The following PARP15 variants were observed in gnomAD, a reference collection of about 807,000 sequenced individuals.
The protein encoded by PARP15 is protein mono-ADP-ribosyltransferase PARP15.
A neutral mutation model predicts 62.1 loss-of-function variants in PARP15; 50 were observed. The observed-to-expected ratio is 0.81, with a 90% CI of 0.64 to 1.02. The LOEUF (loss-of-function observed/expected upper bound fraction) is 1.02, where lower values mean the gene tolerates loss of function less well. Among genes scored for constraint, PARP15 ranks in the 50% least tolerant of loss-of-function variants. PARP15 has a pLI of 0.00. For missense variants in PARP15, 820 were observed against 826.5 expected (o/e 0.99, Z 0.10); for synonymous variants, 309 against 293.1 (o/e 1.05, Z -0.55).
At chr3:122,630,709 CA>C (rs1425214900) in intron 9 of PARP15, among the ~76,000 whole-genome samples, 2 of 151,962 alleles carry the variant, frequency 1.3e-5, no homozygotes, top group Non-Finnish European at 1.5e-5. Flanking sequence ...TAATAATATA[CA>C]AATACCTCTG....
At chr3:122,615,356 C>T (rs1032941164) in intron 4 of PARP15, 4 of 1,293,288 alleles carry the variant, frequency 3.1e-6, no homozygotes, top group Non-Finnish European at 4.0e-6. Flanking sequence ...CAGAATGTAC[C>T]TAACAGCCAA....
chr3:122,588,611 T>C (rs1004888054), intron 1 of PARP15, among the ~76,000 whole-genome samples: 3 of 152,082 alleles, frequency 2.0e-5, no homozygotes, highest in African/African-American at 4.8e-5. Flanking sequence ...TGAACCATGA[T>C]TGCGCCACTG....
At chr3:122,615,650 T>C in intron 4 of PARP15, 129 bp from the exon 5 acceptor site, 1 of 1,552,576 alleles carries the variant, frequency 6.4e-7, no homozygotes, top group Non-Finnish European at 8.7e-7. Context: ...AAGAAGTCTC[T>C]GAGGGAAGAG....
chr3:122,636,155 A>G lies in PARP15; in HGVS notation c.*55A>G. 6.6e-7 allele frequency: 1 copy of G among 1,519,430 alleles called. No individual in the cohort carries two copies. The highest frequency in any genetic ancestry group is 9.0e-7 in the Non-Finnish European group (1 of 1,115,084). 94.1% of individuals were successfully genotyped at this position (1,519,430 alleles called of 1,614,324 possible). A position where few individuals can be genotyped will look rare whatever the true frequency, so the allele number is the denominator to read the frequency against. ...AAGTCATCTGTAAGAACAACATGCA[A>G]TCTTTGTCTTTGCTTCTGGCCTGTG... On this transcript the variant is annotated 3_prime_UTR_variant, in exon 12 of 12. Coordinates refer to ENST00000464300, the MANE Select transcript of PARP15 (RefSeq NM_001113523.3).
chr3:122,609,045 C>T (rs1000028196), intron 2 of PARP15, among the ~76,000 whole-genome samples: 3 of 152,136 alleles, frequency 2.0e-5, no homozygotes, highest in South Asian at 4.1e-4. Context: ...TAAACCACTA[C>T]ACCCAGCCTA....
At chr3:122,592,618 T>TAAA (rs59791124) in intron 1 of PARP15, among the ~76,000 whole-genome samples, 4 of 146,906 alleles carry the variant, frequency 2.7e-5, no homozygotes, top group African/African-American at 1.0e-4. Context: ...AAATTAAAAT[T>TAAA]AAAAAAAAAA....
At chr3:122,623,305 GA>G (rs551976996) in intron 8 of PARP15, among the ~76,000 whole-genome samples, 268 of 152,324 alleles carry the variant, frequency 1.8e-3, no homozygotes, top group Middle Eastern at 6.8e-3. Flanking sequence ...TGGGCAAACA[GA>G]GTGGAGTAAG....
intron 1 of PARP15, among the ~76,000 whole-genome samples, chr3:122,587,964 A>C (rs1933577934): frequency 6.6e-6 from 1 of 152,136 alleles, no homozygotes; most frequent in South Asian, 2.1e-4. Flanking sequence ...TTTTAAAAAA[A>C]TTGTTGACTT....
intron 8 of PARP15, among the ~76,000 whole-genome samples, chr3:122,621,919 C>A (rs911697577): frequency 2.0e-5 from 3 of 152,196 alleles, no homozygotes; most frequent in African/African-American, 7.2e-5. Context: ...CCACTTCAGC[C>A]TCCCAAATAG....
In PARP15 at chr3:122,635,805, T is replaced by C; in HGVS notation, c.1748-6T>C. The stretch of plus-strand genomic sequence containing the variant: ...CTTAGGAAGGTTTTTGTCTTTCTCT[T>C]TCCAGCTGTATCCTATGGAAAAGGA... On this transcript the variant is annotated splice_polypyrimidine_tract_variant and splice_region_variant and intron_variant, in intron 11 of 11. Coordinates refer to ENST00000464300, the MANE Select transcript of PARP15 (RefSeq NM_001113523.3). 1 of 1,607,726 alleles carries C rather than the reference T, an allele frequency of 6.2e-7. No homozygotes were observed. The highest frequency in any genetic ancestry group is 1.3e-5 in the African/African-American group (1 of 74,742).
chr3:122,601,078 G>C (rs1200140671), intron 1 of PARP15, among the ~76,000 whole-genome samples: 2 of 101,052 alleles, frequency 2.0e-5, no homozygotes, highest in African/African-American at 9.0e-5. Context: ...GCCTTGCTCT[G>C]TTACCCAGGC....
In PARP15 at chr3:122,633,462, C is replaced by T. The variant is rs74819295; in HGVS notation, c.1572+1243C>T. On this transcript the variant is annotated intron_variant, in intron 10 of 11. Coordinates refer to ENST00000464300, the MANE Select transcript of PARP15 (RefSeq NM_001113523.3). ...CTGCATCCATGATTTCAACCAACCT[C>T]GGATGGAAAGTGTGGTGAGGCCTAT... 0.011 allele frequency among the ~76,000 whole-genome samples: 1,624 copies of T among 151,928 alleles called. 80 individuals carry two copies. The East Asian group carries it at 0.17, about 15-fold the overall frequency.
intron 1 of PARP15, among the ~76,000 whole-genome samples, chr3:122,585,494 T>C (rs1268365840): frequency 6.6e-6 from 1 of 152,240 alleles, no homozygotes; most frequent in Non-Finnish European, 1.5e-5. Flanking sequence ...CTTTATCTGA[T>C]TGGATCCTGG....
Position 122,613,064 on chromosome 3 carries a change from A to G in PARP15, c.567A>G (p.Lys189=). Residue 189 remains lysine, a synonymous_variant, in exon 4 of 12, where the codon AAA becomes AAG. Transcript: ENST00000464300. ...AGATCATGGCAAATATAATCAAGAA[A>G]TGTTTGACAACTGTAGAAGTGCTAT... is the stretch of plus-strand genomic sequence containing the variant. ...SWQIMANIIK[K]CLTTVEVLSF... is the part of the protein sequence containing the mutation. 1.3e-6 allele frequency: 2 copies of G among 1,551,810 alleles called. No individual in the cohort carries two copies. The highest frequency in any genetic ancestry group is 1.7e-6 in the Non-Finnish European group (2 of 1,146,848).
intron 7 of PARP15, 47 bp from the exon 8 acceptor site, chr3:122,621,397 C>T (rs1936328062): frequency 2.6e-6 from 4 of 1,540,806 alleles, no homozygotes; most frequent in Middle Eastern, 1.7e-4. Flanking sequence ...AGTGTTGCCT[C>T]CAGTAATTAA....
intron 9 of PARP15, among the ~76,000 whole-genome samples, chr3:122,627,480 C>T (rs906459916): frequency 7.4e-4 from 113 of 152,198 alleles, no homozygotes; most frequent in Admixed American, 2.6e-4. Context: ...GGGTGTACTA[C>T]ATCACAAGCA....
intron 1 of PARP15, among the ~76,000 whole-genome samples, chr3:122,582,575 C>T (rs2107799257): frequency 6.6e-6 from 1 of 152,282 alleles, no homozygotes; most frequent in South Asian, 2.1e-4. Context: ...CTTATCTTTA[C>T]CCTTCTGTGT....
intron 7 of PARP15, 181 bp from the exon 8 acceptor site, chr3:122,621,263 C>G: frequency 1.6e-6 from 1 of 615,644 alleles, no homozygotes; most frequent in Non-Finnish European, 2.7e-6. Context: ...TTGTTGAGCT[C>G]GAGAATTCTG....
intron 1 of PARP15, among the ~76,000 whole-genome samples, chr3:122,600,879 C>T (rs1934733476): frequency 6.6e-6 from 1 of 151,102 alleles, no homozygotes; most frequent in Non-Finnish European, 1.5e-5. Context: ...TTCTCAAATA[C>T]CCCCCTCCCC....
Sources: gnomAD v4.1 joint callset for allele counts (sites outside exome capture counted in the v4.1 genomes callset) on GRCh38, gnomAD v4.1.1 for gene constraint, MANE v1.5 for transcripts, NCBI Gene and HGNC (gene_info 2026-07-23, HGNC 2026-07-21) for gene names.